The following VPS13B variants were observed in gnomAD, a reference collection of about 807,000 sequenced individuals.
The protein encoded by VPS13B is intermembrane lipid transfer protein VPS13B.
A neutral mutation model predicts 426.4 loss-of-function variants in VPS13B; 285 were observed. The ratio of observed to expected loss-of-function variants is 0.67; its 90% CI spans 0.61 to 0.74. The LOEUF (loss-of-function observed/expected upper bound fraction) is 0.74, where lower values mean the gene tolerates loss of function less well. Among genes scored for constraint, VPS13B ranks in the 30% least tolerant of loss-of-function variants. The probability of loss-of-function intolerance (pLI) is 0.00; values close to 1 mark genes in which losing one functional copy is unlikely to be tolerated. For missense variants in VPS13B, 4,537 were observed against 4,782.6 expected (o/e 0.95, Z 1.51); for synonymous variants, 1,676 against 1,676.4 (o/e 1.00, Z 0.01).
At chr8:99,635,433 C>T (rs960745713) in intron 33 of VPS13B, among the ~76,000 whole-genome samples, 17 of 151,816 alleles carry the variant, frequency 1.1e-4, no homozygotes, top group South Asian at 6.2e-4. Context: ...TACTTCAGCA[C>T]GGCTATTATA....
At chr8:99,760,174 G>A (rs748985652) in intron 39 of VPS13B, among the ~76,000 whole-genome samples, 3 of 151,826 alleles carry the variant, frequency 2.0e-5, no homozygotes, top group South Asian at 4.2e-4. Context: ...TAGTAGAGAC[G>A]GGGTTTCATC....
intron 33 of VPS13B, among the ~76,000 whole-genome samples, chr8:99,640,056 GAAAAGAAA>G (rs1563838940): frequency 0.033 from 3,118 of 94,536 alleles, 68 homozygotes; most frequent in East Asian, 0.076. Context: ...GAAGAGAAAA[GAAAAGAAA>G]AGAAAAGAAA....
At chr8:99,199,075 A>G (rs778174078) in intron 17 of VPS13B, among the ~76,000 whole-genome samples, 17 of 152,228 alleles carry the variant, frequency 1.1e-4, no homozygotes, top group Non-Finnish European at 1.8e-4. Context: ...CTTTACAACT[A>G]GTTTTCATTT....
intron 35 of VPS13B, among the ~76,000 whole-genome samples, chr8:99,683,010 A>G (rs1231012677): frequency 4.6e-5 from 7 of 152,182 alleles, no homozygotes; most frequent in African/African-American, 1.4e-4. Context: ...TTTACATTTT[A>G]TATTTAAATC....
At chr8:99,319,590 T>A (rs1809863304) in intron 19 of VPS13B, among the ~76,000 whole-genome samples, 2 of 152,194 alleles carry the variant, frequency 1.3e-5, no homozygotes, top group Non-Finnish European at 2.9e-5. Context: ...ATGGTTAATG[T>A]CAGTACTGTC....
At chr8:99,279,115 G>A (rs1411395815) in intron 19 of VPS13B, among the ~76,000 whole-genome samples, 2 of 152,060 alleles carry the variant, frequency 1.3e-5, no homozygotes, top group Non-Finnish European at 2.9e-5. Context: ...GCTCATCCCT[G>A]TAATCCCAGC....
At chr8:99,097,807 C>A (rs1401243517) in intron 4 of VPS13B, among the ~76,000 whole-genome samples, 1 of 152,010 alleles carries the variant, frequency 6.6e-6, no homozygotes, top group African/African-American at 2.4e-5. Flanking sequence ...TACACATTGA[C>A]TTTGTATGGA....
chr8:99,231,008 A>C (rs950754264), intron 17 of VPS13B, among the ~76,000 whole-genome samples: 5 of 152,172 alleles, frequency 3.3e-5, no homozygotes, highest in Admixed American at 3.3e-4. Flanking sequence ...TGTCATCTGG[A>C]CTTTTTGTTA....
At chr8:99,016,802 G>T (rs1239432530) in intron 2 of VPS13B, among the ~76,000 whole-genome samples, 1 of 151,938 alleles carries the variant, frequency 6.6e-6, no homozygotes, top group African/African-American at 2.4e-5. Flanking sequence ...ATGTTAGCCA[G>T]GATGGTCTCG....
At chr8:99,753,400 T>C (rs1303641549) in intron 39 of VPS13B, among the ~76,000 whole-genome samples, 2 of 152,162 alleles carry the variant, frequency 1.3e-5, no homozygotes, top group Non-Finnish European at 2.9e-5. Context: ...ATGATGTACA[T>C]TTGACTGCAT....
chr8:99,859,603 G>A (rs1816727715), intron 57 of VPS13B, 123 bp downstream of exon 57: 2 of 1,299,746 alleles, frequency 1.5e-6, no homozygotes, highest in Non-Finnish European at 2.1e-6. Context: ...CTTTTAGCTT[G>A]CAGTGAGAGT....
chr8:99,497,016 G>A (rs1820922533), intron 25 of VPS13B, among the ~76,000 whole-genome samples: 1 of 148,334 alleles, frequency 6.7e-6, no homozygotes, highest in Non-Finnish European at 1.5e-5. Context: ...TTTCAAAGCT[G>A]TAGAATAATC....
Position 99,300,983 on chromosome 8 carries a change from G to C in VPS13B, c.2824+25729G>C, listed in dbSNP as rs184233741. On this transcript the variant is annotated intron_variant, in intron 19 of 61. Transcript: ENST00000357162. ...GTGTGCCTGTAATCCCAGCACTTTG[G>C]TGGGTGGCTCGCTTGAGCCCCAGGA... Among the ~76,000 whole-genome samples, 155 of 150,806 alleles carry C rather than the reference G, an allele frequency of 1.0e-3. 1 individual carries two copies. Among genetic ancestry groups the C allele is most frequent in the Non-Finnish European group, 2.1e-3 (141 of 67,842 alleles).
At chr8:99,560,463 T>A (rs1056448061) in intron 31 of VPS13B, among the ~76,000 whole-genome samples, 5 of 152,170 alleles carry the variant, frequency 3.3e-5, no homozygotes, top group African/African-American at 9.6e-5. Context: ...TATAACTACC[T>A]CTGGGTCCTG....
chr8:99,152,502 A>G (rs560873516), intron 14 of VPS13B, among the ~76,000 whole-genome samples: 13 of 152,302 alleles, frequency 8.5e-5, no homozygotes, highest in Admixed American at 3.3e-4. Context: ...ATTGATGTCT[A>G]TTATATCTGG....
intron 2 of VPS13B, among the ~76,000 whole-genome samples, chr8:99,028,561 C>T (rs1269423096): frequency 4.3e-5 from 4 of 92,114 alleles, no homozygotes; most frequent in African/African-American, 1.7e-4. Flanking sequence ...GGCGGCTGGC[C>T]GGGCAGGGGG....
intron 30 of VPS13B, among the ~76,000 whole-genome samples, chr8:99,544,160 G>T (rs564854793): frequency 3.9e-4 from 60 of 152,164 alleles, no homozygotes; most frequent in African/African-American, 1.4e-3. Context: ...CACGTCCTTT[G>T]TAGGGACATG....
intron 16 of VPS13B, among the ~76,000 whole-genome samples, chr8:99,185,115 T>C (rs1307609083): frequency 1.3e-5 from 2 of 152,222 alleles, no homozygotes; most frequent in Non-Finnish European, 2.9e-5. Context: ...TAGAAGGATT[T>C]GTATTCATGT....
intron 24 of VPS13B, among the ~76,000 whole-genome samples, chr8:99,477,314 T>C (rs1819749891): frequency 6.6e-6 from 1 of 152,220 alleles, no homozygotes; most frequent in Admixed American, 6.5e-5. Context: ...TCAGAATTTC[T>C]TTCTTGTGCT....
Sources: gnomAD v4.1 joint callset for allele counts (sites outside exome capture counted in the v4.1 genomes callset) on GRCh38, gnomAD v4.1.1 for gene constraint, MANE v1.5 for transcripts, NCBI Gene and HGNC (gene_info 2026-07-23, HGNC 2026-07-21) for gene names.